The following HSP90B1 variants were observed in gnomAD, a reference collection of about 807,000 sequenced individuals.
HSP90B1 encodes the protein heat shock protein 90 beta family member 1, also known as endoplasmin.
A neutral mutation model predicts 100.4 loss-of-function variants in HSP90B1; 27 were observed. The observed-to-expected ratio is 0.27, with a 90% CI of 0.20 to 0.37. HSP90B1 has a LOEUF of 0.37. Ranked by LOEUF, HSP90B1 falls within the 10% of genes least tolerant of loss-of-function variation. The probability of loss-of-function intolerance (pLI) is 1.00; values close to 1 mark genes in which losing one functional copy is unlikely to be tolerated. For synonymous variants in HSP90B1, 304 were observed against 330.8 expected (o/e 0.92, Z 0.88); for missense variants, 678 against 960.5 (o/e 0.71, Z 3.89).
chr12:103,947,640 C>T lies in HSP90B1; in HGVS notation c.2390C>T (p.Thr797Ile), dbSNP rs1333261091. 5 of 1,593,774 alleles carry T rather than the reference C, an allele frequency of 3.1e-6. No homozygotes were observed. The highest frequency in any genetic ancestry group is 2.2e-5 in the East Asian group (1 of 44,740). The change falls in exon 18 of 18, where the codon ACA (threonine) becomes ATA (isoleucine). Residue 797 changes from threonine (T) to isoleucine (I), a missense_variant. Thr to Ile is a moderately conservative substitution (Grantham distance 89). Transcript: ENST00000299767. ...DEEEETAKES[T>I]AEKDEL ...TTTTTTATTTATTTACAGGAATCTA[C>T]AGCTGAAAAAGATGAATTGTAAATT...
intron 5 of HSP90B1, among the ~76,000 whole-genome samples, chr12:103,935,717 G>A (rs1215213811): frequency 6.6e-6 from 1 of 152,166 alleles, no homozygotes; most frequent in Non-Finnish European, 1.5e-5. Flanking sequence ...ATGCCCCAGT[G>A]CCCTCTCTTT....
chr12:103,930,444 C>A lies in HSP90B1; in HGVS notation c.-72C>A. 1 of 1,462,900 alleles carries A rather than the reference C, an allele frequency of 6.8e-7. No individual in the cohort carries two copies. Among genetic ancestry groups the A allele is most frequent in the Non-Finnish European group, 9.3e-7 (1 of 1,080,498 alleles). The allele number at this position is 1,462,900 out of a possible 1,614,324, so 90.6% of individuals were successfully genotyped here. A position where few individuals can be genotyped will look rare whatever the true frequency, so the allele number is the denominator to read the frequency against. On this transcript the variant is annotated 5_prime_UTR_variant, in exon 1 of 18. Coordinates refer to ENST00000299767, the MANE Select transcript of HSP90B1 (RefSeq NM_003299.3). The surrounding 1 kb of genome is among the most constrained non-coding windows in gnomAD (Gnocchi z 4.4). ...ACCGCGCGGCTGGAGGTGTGAGGAT[C>A]CGAACCCAGGGGTGGGGGGTGGAGG...
Position 103,939,497 on chromosome 12 carries a change from TA to T in HSP90B1, c.976-10del. 1 of 1,287,102 alleles carries T rather than the reference TA, an allele frequency of 7.8e-7. No individual in the cohort carries two copies. The highest frequency in any genetic ancestry group is 1.1e-6 in the Non-Finnish European group (1 of 912,976). 79.7% of individuals were successfully genotyped at this position (1,287,102 alleles called of 1,614,324 possible). ...GCTGAGAGAGACTAATCAAATACTATAATAACTTCAGGTTGAAAAAACTGTC... is the reference window on the plus strand; with the variant it reads ...GCTGAGAGAGACTAATCAAATACTATATAACTTCAGGTTGAAAAAACTGTC... On this transcript the variant is annotated splice_polypyrimidine_tract_variant and intron_variant, in intron 7 of 17. Transcript: ENST00000299767.
At chr12:103,945,723 T>C (rs2583263) in intron 14 of HSP90B1, among the ~76,000 whole-genome samples, 22,215 of 152,152 alleles carry the variant, frequency 0.15, 1,772 homozygotes, top group Admixed American at 0.21. Flanking sequence ...GTAAATAAAA[T>C]AGTTCCCTTC....
At chr12:103,944,606 G>C (rs1323899179) in intron 14 of HSP90B1, among the ~76,000 whole-genome samples, 1 of 150,912 alleles carries the variant, frequency 6.6e-6, no homozygotes, top group Non-Finnish European at 1.5e-5. Context: ...ACCCAGGCTG[G>C]AGTACAGTGG....
chr12:103,933,287 G>A (rs950034956), intron 4 of HSP90B1, among the ~76,000 whole-genome samples: 2 of 152,234 alleles, frequency 1.3e-5, no homozygotes, highest in Non-Finnish European at 2.9e-5. Context: ...TTAAATCATT[G>A]ATCACAGGCT....
intron 10 of HSP90B1, 58 bp downstream of exon 10, chr12:103,941,764 G>A (rs376857243): frequency 6.2e-7 from 1 of 1,601,436 alleles, no homozygotes; most frequent in African/African-American, 1.3e-5. Flanking sequence ...GCAGTGTAGA[G>A]TGTTTGTTTG....
At position 103,930,512 on chromosome 12, in the gene HSP90B1, C is replaced by T; in HGVS notation, c.-4C>T. Reference sequence around the variant, plus strand: ...GGGGACTTGAGACTCACCGGCCGCACGCCATGAGGGCCCTGTGGGTGCTGG... The same window carrying T: ...GGGGACTTGAGACTCACCGGCCGCATGCCATGAGGGCCCTGTGGGTGCTGG... On this transcript the variant is annotated 5_prime_UTR_variant, in exon 1 of 18. In the 5' UTR this introduces an upstream ATG that the reference lacks. Coordinates refer to ENST00000299767, the MANE Select transcript of HSP90B1 (RefSeq NM_003299.3). The surrounding 1 kb of genome is among the most constrained non-coding windows in gnomAD (Gnocchi z 4.4). 1 of 1,605,052 alleles carries T rather than the reference C, an allele frequency of 6.2e-7. No homozygotes were observed. The highest frequency in any genetic ancestry group is 2.3e-5 in the East Asian group (1 of 43,620).
At chr12:103,945,114 A>G (rs1407199259) in intron 14 of HSP90B1, among the ~76,000 whole-genome samples, 1 of 152,208 alleles carries the variant, frequency 6.6e-6, no homozygotes, top group East Asian at 1.9e-4. Flanking sequence ...ACAGGTAGAC[A>G]TAACTCCTGT....
chr12:103,940,193 T>G (rs1870033833), intron 8 of HSP90B1, among the ~76,000 whole-genome samples: 1 of 152,206 alleles, frequency 6.6e-6, no homozygotes, highest in Non-Finnish European at 1.5e-5. Context: ...ATGTGTGATT[T>G]CCACCACAAA....
In HSP90B1 at chr12:103,941,533, A is replaced by T; in HGVS notation, c.1216A>T (p.Ser406Cys). ...GTTTGACGAATATGGATCTAAAAAGAGCGATTACATTAAGGTGAGTTTTTA... is the reference window on the plus strand; with the variant it reads ...GTTTGACGAATATGGATCTAAAAAGTGCGATTACATTAAGGTGAGTTTTTA... ...GLFDEYGSKK[S>C]DYIKLYVRRV... The change falls in exon 9 of 18, where the codon AGC (serine) becomes TGC (cysteine). Residue 406 changes from serine to cysteine, a missense_variant. Physicochemically the swap from Ser to Cys is moderately radical, Grantham distance 112. Coordinates refer to ENST00000299767, the MANE Select transcript of HSP90B1 (RefSeq NM_003299.3). 1 of 1,614,156 alleles carries T rather than the reference A, an allele frequency of 6.2e-7. No homozygotes were observed. Among genetic ancestry groups the T allele is most frequent in the Non-Finnish European group, 8.5e-7 (1 of 1,180,000 alleles).
rs144333332 is a variant in HSP90B1, at chr12:103,934,252, A to T, written c.708A>T (p.Pro236=). ...ATGAATTTTCTGTAATTGCTGACCC[A>T]AGAGGAAACACTCTAGGACGGGGAA... ...DSNEFSVIAD[P]RGNTLGRGTT... The change falls in exon 5 of 18, where the codon CCA becomes CCT. Residue 236 remains proline, a synonymous_variant. Coordinates refer to ENST00000299767, the MANE Select transcript of HSP90B1 (RefSeq NM_003299.3). 4.3e-6 allele frequency: 7 copies of T among 1,614,038 alleles called. No homozygotes were observed. The highest frequency in any genetic ancestry group is 5.9e-6 in the Non-Finnish European group (7 of 1,179,972).
Position 103,941,764 on chromosome 12 carries a change from G to C in HSP90B1, c.1308+58G>C, listed in dbSNP as rs376857243. The C allele has an allele frequency of 3.1e-3, 4,997 of 1,601,554 alleles. 10 individuals are homozygous for C. The highest frequency in any genetic ancestry group is 3.3e-3 in the Non-Finnish European group (3,881 of 1,168,638). On this transcript the variant is annotated intron_variant, in intron 10 of 17. Transcript: ENST00000299767. ...TGTTGTGGGGGTCTGGCAGTGTAGA[G>C]TGTTTGTTTGGCTTTGCTTTCTTCC... is the stretch of plus-strand genomic sequence containing the variant.
chr12:103,946,143 C>T (rs773492920), intron 14 of HSP90B1, among the ~76,000 whole-genome samples: 1 of 152,162 alleles, frequency 6.6e-6, no homozygotes, highest in African/African-American at 2.4e-5. Flanking sequence ...AGCTATTATA[C>T]TGTATTGGGT....
At chr12:103,942,341 T>C (rs1445417559) in intron 11 of HSP90B1, among the ~76,000 whole-genome samples, 186 bp from the exon 12 acceptor site, 1 of 152,204 alleles carries the variant, frequency 6.6e-6, no homozygotes. Context: ...ATCTTGTGGC[T>C]ATTTGCACGG....
Position 103,942,718 on chromosome 12 carries a change from T to C in HSP90B1, c.1566T>C (p.Thr522=). The C allele has an allele frequency of 6.2e-7, 1 of 1,613,836 alleles. No individual in the cohort carries two copies. The highest frequency in any genetic ancestry group is 8.5e-7 in the Non-Finnish European group (1 of 1,179,730). The change falls in exon 12 of 18, where the codon ACT becomes ACC. Residue 522 remains threonine, a synonymous_variant. Transcript: ENST00000299767. ...CTTCTCATCATCCAACTGACATTAC[T>C]AGCCTAGACCAGTATGTGGAAAGAA... ...FQSSHHPTDI[T]SLDQYVERMK... is the part of the protein sequence containing the mutation.
Position 103,947,901 on chromosome 12 carries a change from T to G in HSP90B1, c.*239T>G. The G allele has an allele frequency of 1.9e-6, 1 of 516,628 alleles. No homozygotes were observed. The highest frequency in any genetic ancestry group is 3.4e-6 in the Non-Finnish European group (1 of 290,852). 32.0% of individuals were successfully genotyped at this position (516,628 alleles called of 1,614,324 possible). A position where few individuals can be genotyped will look rare whatever the true frequency, so the allele number is the denominator to read the frequency against. ...TCTTGATGTAAAATCTTGTCATGTGTATAAAAATAAAAAAGATCCCAAATA... is the reference window on the plus strand; with the variant it reads ...TCTTGATGTAAAATCTTGTCATGTGGATAAAAATAAAAAAGATCCCAAATA... On this transcript the variant is annotated 3_prime_UTR_variant, in exon 18 of 18. Transcript: ENST00000299767.
chr12:103,935,498 A>G (rs1195248807), intron 5 of HSP90B1, among the ~76,000 whole-genome samples: 8 of 152,240 alleles, frequency 5.3e-5, no homozygotes, highest in Admixed American at 1.3e-4. Context: ...ATTAAGGGAA[A>G]GAAGCACATA....
At chr12:103,947,524 A>G in intron 17 of HSP90B1, 94 bp downstream of exon 17, 1 of 1,603,234 alleles carries the variant, frequency 6.2e-7, no homozygotes, top group Non-Finnish European at 8.5e-7. Flanking sequence ...TGTAACTTAC[A>G]GAAGTCAGAC....
Sources: gnomAD v4.1 joint callset for allele counts (sites outside exome capture counted in the v4.1 genomes callset) on GRCh38, gnomAD v4.1.1 for gene constraint, Gnocchi (gnomAD v3.1) non-coding constraint, MANE v1.5 for transcripts, NCBI Gene and HGNC (gene_info 2026-07-23, HGNC 2026-07-21) for gene names.